CEACAM18: variants seen among roughly 807,000 people sequenced by gnomAD.
CEACAM18 encodes the protein CEA cell adhesion molecule 18.
Under a neutral mutation model 34.3 loss-of-function variants are expected in CEACAM18, and 33 were observed. The ratio of observed to expected loss-of-function variants is 0.96; its 90% CI spans 0.73 to 1.29. The LOEUF (loss-of-function observed/expected upper bound fraction) is 1.29. CEACAM18 is among the 50% of genes most tolerant of loss of function. The probability of loss-of-function intolerance (pLI) is 0.00; values close to 1 mark genes in which losing one functional copy is unlikely to be tolerated. For synonymous variants in CEACAM18, 169 were observed against 180.9 expected (o/e 0.93, Z 0.53); for missense variants, 474 against 485.0 (o/e 0.98, Z 0.21).
chr19:51,478,669 C>G (rs1356302224), exon 1 of CEACAM18: 1 of 1,494,194 alleles, frequency 6.7e-7, no homozygotes, highest in Non-Finnish European at 8.9e-7. Context: ...CCAGATGGAG[C>G]CTGTGGAGGA....
chr19:51,483,435 T>G, intron 4 of CEACAM18, 139 bp downstream of exon 4: 1 of 1,057,242 alleles, frequency 9.5e-7, no homozygotes, highest in South Asian at 1.5e-5. Context: ...CTCCCAGTTC[T>G]CTGAGGTCTG....
At chr19:51,481,224 T>C (rs1238750239) in intron 2 of CEACAM18, among the ~76,000 whole-genome samples, 169 bp from the exon 3 acceptor site, 1 of 152,184 alleles carries the variant, frequency 6.6e-6, no homozygotes, top group African/African-American at 2.4e-5. Context: ...AGCAGCCTCA[T>C]TGCCCTGTGC....
chr19:51,489,170 AAAG>A (rs1990048867), intron 5 of CEACAM18, among the ~76,000 whole-genome samples: 1 of 148,184 alleles, frequency 6.7e-6, no homozygotes, highest in Admixed American at 6.7e-5. Flanking sequence ...CTCATCATCC[AAAG>A]TGAAATTTTG....
At chr19:51,486,497 C>G (rs1194688031) in intron 5 of CEACAM18, among the ~76,000 whole-genome samples, 1 of 151,898 alleles carries the variant, frequency 6.6e-6, no homozygotes, top group African/African-American at 2.4e-5. Flanking sequence ...CATCTCCTTC[C>G]TACTAAGACT....
chr19:51,480,995 G>A (rs1209486744), intron 2 of CEACAM18, among the ~76,000 whole-genome samples: 1 of 152,206 alleles, frequency 6.6e-6, no homozygotes, highest in Non-Finnish European at 1.5e-5. Context: ...GTGGTTTGTC[G>A]TAGCGTTGGA....
intron 2 of CEACAM18, among the ~76,000 whole-genome samples, chr19:51,481,069 C>T (rs1042668545): frequency 6.6e-6 from 1 of 152,176 alleles, no homozygotes; most frequent in African/African-American, 2.4e-5. Flanking sequence ...CAAATGCCAC[C>T]TCTCACTCAG....
intron 5 of CEACAM18, among the ~76,000 whole-genome samples, chr19:51,489,083 T>A (rs577275120): frequency 6.6e-6 from 1 of 150,936 alleles, no homozygotes; most frequent in Non-Finnish European, 1.5e-5. Context: ...GGGGTTTCTA[T>A]CCTTGTGTTC....
At chr19:51,480,388 A>G in exon 2 of CEACAM18, 1 of 1,612,998 alleles carries the variant, frequency 6.2e-7, no homozygotes. Flanking sequence ...TCATCACCCA[A>G]ACCCTGGGGA....
Position 51,481,384 on chromosome 19 carries a change from T to G in CEACAM18, c.401-9T>G. 1 of 1,612,484 alleles carries G rather than the reference T, an allele frequency of 6.2e-7. No homozygotes were observed. Among genetic ancestry groups the G allele is most frequent in the South Asian group, 1.1e-5 (1 of 90,920 alleles). On this transcript the variant is annotated splice_polypyrimidine_tract_variant and intron_variant, in intron 2 of 5. Coordinates refer to ENST00000396477, the Ensembl canonical transcript of CEACAM18. ...CTTGTAATTTTTTTCTCTTTCCTGCTTCACCCAGAGTTGGGAAGCAATCTG... is the reference window on the plus strand; with the variant it reads ...CTTGTAATTTTTTTCTCTTTCCTGCGTCACCCAGAGTTGGGAAGCAATCTG...
At chr19:51,486,322 T>C (rs985657153) in intron 5 of CEACAM18, among the ~76,000 whole-genome samples, 1 of 152,094 alleles carries the variant, frequency 6.6e-6, no homozygotes, top group African/African-American at 2.4e-5. Flanking sequence ...TGGTGATGAT[T>C]ATGATGAAGC....
intron 5 of CEACAM18, among the ~76,000 whole-genome samples, chr19:51,486,698 T>TTTTC (rs949939606): frequency 8.7e-5 from 13 of 149,222 alleles, no homozygotes; most frequent in East Asian, 3.9e-4. Context: ...TCTTTTTTCT[T>TTTTC]TTTCTTTCTT....
chr19:51,482,534 C>T (rs1599943205), intron 3 of CEACAM18, among the ~76,000 whole-genome samples: 1 of 152,164 alleles, frequency 6.6e-6, no homozygotes, highest in East Asian at 1.9e-4. Context: ...AACCAAGACC[C>T]AGGATCCAGA....
At chr19:51,482,249 T>C (rs1989929928) in intron 3 of CEACAM18, among the ~76,000 whole-genome samples, 1 of 152,210 alleles carries the variant, frequency 6.6e-6, no homozygotes, top group African/African-American at 2.4e-5. Context: ...CAGACAGCTC[T>C]TGGAAATCGA....
chr19:51,478,551 C>G, upstream of CEACAM18: 1 of 1,176,366 alleles, frequency 8.5e-7, no homozygotes, highest in South Asian at 1.3e-5. Context: ...GACCGGCAGC[C>G]TCTGTGCCAG....
exon 1 of CEACAM18, chr19:51,478,672 G>C (rs1193397940): frequency 5.4e-6 from 8 of 1,480,638 alleles, no homozygotes; most frequent in Non-Finnish European, 1.8e-6. Context: ...GATGGAGCCT[G>C]TGGAGGAGGG....
intron 3 of CEACAM18, 148 bp from the exon 4 acceptor site, chr19:51,482,869 G>A (rs1213653437): frequency 2.5e-6 from 2 of 793,206 alleles, no homozygotes; most frequent in East Asian, 5.0e-5. Context: ...TATGGTTATT[G>A]TTGTTGACAC....
intron 5 of CEACAM18, among the ~76,000 whole-genome samples, chr19:51,489,553 T>C (rs971821175): frequency 4.6e-5 from 7 of 152,112 alleles, no homozygotes; most frequent in African/African-American, 1.7e-4. Context: ...TCTAAAGATT[T>C]TAGAAGATAC....
upstream of CEACAM18, chr19:51,478,604 C>A: frequency 6.4e-7 from 1 of 1,565,910 alleles, no homozygotes; most frequent in Non-Finnish European, 8.7e-7. Context: ...GGCTGTGTCT[C>A]TGGAGGGACC....
chr19:51,489,309 G>A (rs1210589484), intron 5 of CEACAM18, among the ~76,000 whole-genome samples: 2 of 151,674 alleles, frequency 1.3e-5, no homozygotes, highest in Middle Eastern at 3.4e-3. Context: ...AACAAAAGAT[G>A]AACAAACTGC....
Sources: allele counts gnomAD v4.1 joint callset (sites outside exome capture counted in the v4.1 genomes callset), GRCh38; gene constraint gnomAD v4.1.1; transcripts MANE v1.5; gene names NCBI Gene and HGNC (gene_info 2026-07-23, HGNC 2026-07-21).